The following SRPRB variants were observed in gnomAD, a reference collection of about 807,000 sequenced individuals.
The protein encoded by SRPRB is SRP receptor subunit beta.
In SRPRB, 20 loss-of-function variants were observed where a neutral mutation model predicts 31.9. The ratio of observed to expected loss-of-function variants is 0.63; its 90% confidence interval spans 0.44 to 0.91. SRPRB has a LOEUF of 0.91. Ranked by LOEUF, SRPRB falls within the 40% of genes least tolerant of loss-of-function variation. SRPRB has a pLI of 0.00. For missense variants in SRPRB, 321 were observed against 324.9 expected, an observed-to-expected ratio of 0.99 and a Z score of 0.09; for synonymous variants, 146 against 132.8, an observed-to-expected ratio of 1.10 and a Z score of -0.68.
In SRPRB at chr3:133,805,949, A is replaced by G; in HGVS notation, c.101A>G (p.Asp34Gly). 1.2e-6 allele frequency: 2 copies of G among 1,613,916 alleles called. No individual in the cohort carries two copies. Among genetic ancestry groups the G allele is most frequent in the South Asian group, 1.1e-5 (1 of 91,076 alleles). The change falls in exon 1 of 7, where the codon GAC becomes GGC. Residue 34 changes from aspartate (D) to glycine (G), a missense_variant. By Grantham distance (94) the Asp-to-Gly change is moderately conservative. Coordinates refer to ENST00000678299, the MANE Select transcript of SRPRB (RefSeq NM_001379313.1). Reference protein sequence around the residue: ...DTLRQELQQTDPTLLSVVVAV... With the variant: ...DTLRQELQQTGPTLLSVVVAV... ...TTGCGGCAGGAGCTGCAGCAGACGGACCCAACGCTGTTGTCAGTAGTGGTG... is the reference window on the plus strand; with the variant it reads ...TTGCGGCAGGAGCTGCAGCAGACGGGCCCAACGCTGTTGTCAGTAGTGGTG...
At chr3:133,805,249 G>C (rs1935129065), upstream of SRPRB, among the ~76,000 whole-genome samples, 1 of 152,120 alleles carries the variant, frequency 6.6e-6, no homozygotes, top group Non-Finnish European at 1.5e-5. Flanking sequence ...ATTACTTAGG[G>C]TTCCCACATA....
At chr3:133,814,614 T>G (rs1392665034) in intron 4 of SRPRB, among the ~76,000 whole-genome samples, 3 of 152,062 alleles carry the variant, frequency 2.0e-5, no homozygotes, top group Non-Finnish European at 4.4e-5. Flanking sequence ...AATTGTTATA[T>G]TTTTAGTAGA....
chr3:133,790,749 C>T (rs1934811252), intron 1 of SRPRB: 1 of 152,178 alleles, frequency 6.6e-6, no homozygotes. Flanking sequence ...ACACTGTTTA[C>T]TGTTTTGTGT....
chr3:133,813,726 C>T (rs1935314608), intron 4 of SRPRB, among the ~76,000 whole-genome samples: 1 of 152,060 alleles, frequency 6.6e-6, no homozygotes, highest in South Asian at 2.1e-4. Context: ...TTATTCTGTG[C>T]CTTGTAATTT....
At position 133,807,889 on chromosome 3, in the gene SRPRB, A is replaced by G; in HGVS notation, c.327+66A>G. 6 of 1,203,048 alleles carry G rather than the reference A, an allele frequency of 5.0e-6. No homozygotes were observed. In the South Asian group the frequency reaches 5.2e-5, roughly 10 times the overall value. The allele number at this position is 1,203,048 out of a possible 1,614,324, so 74.5% of individuals were successfully genotyped here. ...TTACTGTGGTGTGTCAGTTAAGGAC[A>G]TTTTTAGGATGAGTTCATCTGAGGA... On this transcript the variant is annotated intron_variant, in intron 3 of 6. Transcript: ENST00000678299.
downstream of SRPRB, chr3:133,826,392 ATGT>A (rs894065688): frequency 3.9e-5 from 6 of 152,254 alleles, no homozygotes; most frequent in African/African-American, 1.4e-4. Flanking sequence ...GTTTTATGGG[ATGT>A]TTTTTTAAAA....
chr3:133,816,757 C>CT (rs1385008734), intron 5 of SRPRB, 121 bp from the exon 6 acceptor site: 6 of 697,666 alleles, frequency 8.6e-6, no homozygotes, highest in Non-Finnish European at 4.6e-6. Context: ...GATAAAAGGT[C>CT]TTTTTTTAAA....
intron 1 of SRPRB, chr3:133,787,159 T>C (rs763153220): frequency 6.6e-6 from 1 of 152,240 alleles, no homozygotes; most frequent in Non-Finnish European, 1.5e-5. Flanking sequence ...TGAGTCCTAA[T>C]TTTGCAACAT....
chr3:133,799,517 G>A lies in SRPRB; in HGVS notation c.-173-6159G>A, dbSNP rs376697145. 1.4e-4 allele frequency among the ~76,000 whole-genome samples: 22 copies of A among 152,128 alleles called. 1 individual carries two copies. The highest frequency in any genetic ancestry group is 3.9e-4 in the East Asian group (2 of 5,188). On this transcript the variant is annotated intron_variant, in intron 1 of 7. Transcript: ENST00000466490. ...TTACATATGAGCAGTAGCCTTGGAA[G>A]GACAGAGAAAAAAATAATTATTTTA...
upstream of SRPRB, among the ~76,000 whole-genome samples, chr3:133,804,095 CA>C (rs1205426598): frequency 2.0e-3 from 116 of 58,274 alleles, no homozygotes; most frequent in East Asian, 0.019. Context: ...GACTCTGTCT[CA>C]AAAAAAAAAA....
At chr3:133,818,357 A>G (rs539880535) in intron 6 of SRPRB, among the ~76,000 whole-genome samples, 5 of 152,346 alleles carry the variant, frequency 3.3e-5, no homozygotes, top group Non-Finnish European at 5.9e-5. Flanking sequence ...ACAGAAGCCA[A>G]TCCTTTTTTA....
intron 1 of SRPRB, among the ~76,000 whole-genome samples, chr3:133,798,347 A>G (rs1390412841): frequency 6.6e-6 from 1 of 152,218 alleles, no homozygotes; most frequent in Non-Finnish European, 1.5e-5. Flanking sequence ...CGGCTGTACT[A>G]TAGGAATACA....
upstream of SRPRB, among the ~76,000 whole-genome samples, chr3:133,800,905 A>G (rs1394721976): frequency 6.6e-6 from 1 of 152,204 alleles, no homozygotes; most frequent in East Asian, 1.9e-4. Context: ...GTTTGTATTT[A>G]CTGCTCTTAT....
At chr3:133,819,312 G>C (rs1935423046) in intron 6 of SRPRB, among the ~76,000 whole-genome samples, 1 of 152,046 alleles carries the variant, frequency 6.6e-6, no homozygotes. Flanking sequence ...GTGTGACCTG[G>C]TCTACTGCTG....
At chr3:133,817,116 TATAG>T (rs1366187243) in intron 6 of SRPRB, among the ~76,000 whole-genome samples, 184 bp downstream of exon 6, 1 of 152,230 alleles carries the variant, frequency 6.6e-6, no homozygotes, top group East Asian at 1.9e-4. Flanking sequence ...CTAGGGTGCT[TATAG>T]ATATTTTAAA....
intron 3 of SRPRB, among the ~76,000 whole-genome samples, chr3:133,809,416 T>C (rs1935220479): frequency 6.6e-6 from 1 of 152,202 alleles, no homozygotes; most frequent in African/African-American, 2.4e-5. Context: ...TTCCCCTTTC[T>C]CATGCCTCCA....
In SRPRB at chr3:133,805,955, C is replaced by A; in HGVS notation, c.107C>A (p.Thr36Lys). ...CAGGAGCTGCAGCAGACGGACCCAA[C>A]GCTGTTGTCAGTAGTGGTGGCGGTT... Reference protein sequence around the residue: ...LRQELQQTDPTLLSVVVAVLA... With the variant: ...LRQELQQTDPKLLSVVVAVLA... Residue 36 changes from threonine to lysine, a missense_variant, in exon 1 of 7, where the codon ACG becomes AAG. Physicochemically the swap from Thr to Lys is moderately conservative, Grantham distance 78. Transcript: ENST00000678299. The A allele has an allele frequency of 6.2e-7, 1 of 1,613,784 alleles. No homozygotes were observed. The highest frequency in any genetic ancestry group is 8.5e-7 in the Non-Finnish European group (1 of 1,179,770).
At chr3:133,800,332 T>C (rs759636782) in intron 1 of SRPRB, among the ~76,000 whole-genome samples, 1 of 152,186 alleles carries the variant, frequency 6.6e-6, no homozygotes. Flanking sequence ...CATTGTACAA[T>C]GTATGCTGTG....
At chr3:133,827,379 G>A (rs1282904820), downstream of SRPRB, 1 of 153,080 alleles carries the variant, frequency 6.5e-6, no homozygotes, top group Admixed American at 6.5e-5. Context: ...GCAGGCTCAG[G>A]GCAGTGAGTC....
Sources: allele counts gnomAD v4.1 joint callset (sites outside exome capture counted in the v4.1 genomes callset), GRCh38; gene constraint gnomAD v4.1.1; transcripts MANE v1.5; gene names NCBI Gene and HGNC (gene_info 2026-07-23, HGNC 2026-07-21).